KCNIP4: variants seen among roughly 807,000 people sequenced by gnomAD.
The protein encoded by KCNIP4 is Kv channel-interacting protein 4.
A neutral mutation model predicts 34.0 loss-of-function variants in KCNIP4; 12 were observed. That is an observed-to-expected ratio of 0.35 (90% CI 0.23 to 0.57). The LOEUF (loss-of-function observed/expected upper bound fraction) is 0.57, where lower values mean the gene tolerates loss of function less well. Ranked by LOEUF, KCNIP4 falls within the 20% of genes least tolerant of loss-of-function variation. The pLI, the probability that KCNIP4 is intolerant of heterozygous loss-of-function variation, is 0.83. For missense variants in KCNIP4, 238 were observed against 311.7 expected (o/e 0.76, Z 1.78); for synonymous variants, 124 against 102.2 (o/e 1.21, Z -1.29).
chr4:21,571,253 C>T (rs1560525690), intron 1 of KCNIP4, among the ~76,000 whole-genome samples: 1 of 152,132 alleles, frequency 6.6e-6, no homozygotes, highest in East Asian at 1.9e-4. Flanking sequence ...ATATAAATTC[C>T]ATAAACAGAA....
At chr4:21,608,971 A>T (rs1743937865) in intron 1 of KCNIP4, 5 of 152,184 alleles carry the variant, frequency 3.3e-5, no homozygotes, top group Non-Finnish European at 7.3e-5. Flanking sequence ...TCACAGCCAA[A>T]ATGTTGCCTC....
At chr4:21,908,146 C>T (rs538308444) in intron 1 of KCNIP4, among the ~76,000 whole-genome samples, 43 of 152,254 alleles carry the variant, frequency 2.8e-4, no homozygotes, top group African/African-American at 9.9e-4. Flanking sequence ...TGCCTCTTTT[C>T]TTCAGAATAT....
intron 1 of KCNIP4, among the ~76,000 whole-genome samples, chr4:21,129,137 G>A (rs1750858378): frequency 6.6e-6 from 1 of 152,116 alleles, no homozygotes; most frequent in South Asian, 2.1e-4. Context: ...GAGATCTCAT[G>A]GTTTTATAAA....
intron 1 of KCNIP4, among the ~76,000 whole-genome samples, chr4:21,344,614 G>A (rs1040111361): frequency 6.6e-6 from 1 of 151,982 alleles, no homozygotes; most frequent in Non-Finnish European, 1.5e-5. Flanking sequence ...AAGAAAAGAT[G>A]GAATGAACCA....
At chr4:21,429,431 A>G (rs939875713) in intron 1 of KCNIP4, among the ~76,000 whole-genome samples, 5 of 152,184 alleles carry the variant, frequency 3.3e-5, no homozygotes, top group Non-Finnish European at 7.4e-5. Context: ...TTATGCATAA[A>G]GCTGCCATAC....
chr4:20,971,975 C>A (rs752972481), intron 1 of KCNIP4, among the ~76,000 whole-genome samples: 1 of 152,192 alleles, frequency 6.6e-6, no homozygotes, highest in South Asian at 2.1e-4. Context: ...CACCAGGAGT[C>A]AATTCCATCT....
intron 1 of KCNIP4, among the ~76,000 whole-genome samples, chr4:20,895,383 G>A (rs1168188840): frequency 6.6e-6 from 1 of 152,082 alleles, no homozygotes; most frequent in Non-Finnish European, 1.5e-5. Context: ...ATGTGGTTTA[G>A]GAGAAAGCTG....
chr4:21,152,215 T>C (rs1752809270), intron 1 of KCNIP4, among the ~76,000 whole-genome samples: 1 of 152,168 alleles, frequency 6.6e-6, no homozygotes, highest in African/African-American at 2.4e-5. Flanking sequence ...ATAGCACCAC[T>C]GCACTCCAGC....
intron 1 of KCNIP4, among the ~76,000 whole-genome samples, chr4:21,284,135 C>G (rs1174394581): frequency 6.6e-6 from 1 of 151,802 alleles, no homozygotes; most frequent in Non-Finnish European, 1.5e-5. Flanking sequence ...ATGGTGTGAA[C>G]CCAGGAGGCA....
intron 1 of KCNIP4, among the ~76,000 whole-genome samples, chr4:21,271,325 A>G (rs538487911): frequency 1.8e-4 from 28 of 152,350 alleles, no homozygotes; most frequent in African/African-American, 6.3e-4. Flanking sequence ...ACAATCAGGT[A>G]GAAAAGATTT....
At chr4:20,863,333 T>C (rs1722414744) in intron 2 of KCNIP4, among the ~76,000 whole-genome samples, 1 of 152,058 alleles carries the variant, frequency 6.6e-6, no homozygotes, top group Non-Finnish European at 1.5e-5. Context: ...CAGAAATGGT[T>C]GACTCAGATT....
intron 1 of KCNIP4, among the ~76,000 whole-genome samples, chr4:20,928,304 C>T (rs1307801941): frequency 6.7e-6 from 1 of 148,690 alleles, no homozygotes; most frequent in Non-Finnish European, 1.5e-5. Context: ...TATGAAACTA[C>T]AAATCAATAA....
intron 1 of KCNIP4, among the ~76,000 whole-genome samples, chr4:21,313,357 G>A (rs1713394630): frequency 6.6e-6 from 1 of 151,960 alleles, no homozygotes; most frequent in Non-Finnish European, 1.5e-5. Flanking sequence ...ATAAATAATT[G>A]TTTATCCTAT....
intron 1 of KCNIP4, among the ~76,000 whole-genome samples, chr4:20,945,634 T>C (rs747022331): frequency 1.3e-5 from 2 of 152,114 alleles, no homozygotes; most frequent in Non-Finnish European, 2.9e-5. Flanking sequence ...AACTGGGCCA[T>C]ATATGACAAA....
chr4:21,426,577 G>A (rs768154602), intron 1 of KCNIP4, among the ~76,000 whole-genome samples: 15 of 151,930 alleles, frequency 9.9e-5, no homozygotes, highest in South Asian at 6.2e-4. Context: ...CACCCTTTCC[G>A]AGGAGTATGT....
At chr4:20,906,204 C>A (rs1173496624) in intron 1 of KCNIP4, among the ~76,000 whole-genome samples, 1 of 151,992 alleles carries the variant, frequency 6.6e-6, no homozygotes, top group African/African-American at 2.4e-5. Context: ...CTTGATGGGG[C>A]AAATCACTAT....
At position 21,555,700 on chromosome 4, in the gene KCNIP4, ATTTC is replaced by A. The variant is rs139434910; in HGVS notation, c.61+392867_61+392870del. 3.5e-3 allele frequency among the ~76,000 whole-genome samples: 532 copies of A among 152,300 alleles called. 4 individuals carry two copies. The highest frequency in any genetic ancestry group is 0.012 in the African/African-American group (506 of 41,566). On this transcript the variant is annotated intron_variant, in intron 1 of 8. Transcript: ENST00000382152. ...TGGAGATAAAAACCAGTTCAGGTAG[ATTTC>A]TTTGTCATGCTTGAAAAATACTTTT... is the stretch of plus-strand genomic sequence containing the variant.
intron 1 of KCNIP4, among the ~76,000 whole-genome samples, chr4:21,670,315 G>T (rs926151348): frequency 3.3e-5 from 5 of 149,852 alleles, no homozygotes; most frequent in African/African-American, 1.2e-4. Flanking sequence ...GTAAACTATC[G>T]CAAGAACAAA....
rs556263068 is a variant in KCNIP4 at position 21,407,382 on chromosome 4, T to C, written c.62-524673A>G. Among the ~76,000 whole-genome samples the C allele has an allele frequency of 1.6e-4, 24 of 152,268 alleles. No homozygotes were observed. In the East Asian group the frequency reaches 4.6e-3, roughly 29 times the overall value. The stretch of plus-strand genomic sequence containing the variant: ...CATTTTACTCATAATTGCTGGGCAT[T>C]TCCTAATACATTTATTAAATATTGC... On this transcript the variant is annotated intron_variant, in intron 1 of 8. Transcript: ENST00000382152.
Sources: gnomAD v4.1 joint callset for allele counts (sites outside exome capture counted in the v4.1 genomes callset) on GRCh38, gnomAD v4.1.1 for gene constraint, MANE v1.5 for transcripts, NCBI Gene and HGNC (gene_info 2026-07-23, HGNC 2026-07-21) for gene names.